RABGAP1L: variants seen among roughly 807,000 people sequenced by gnomAD.
RABGAP1L encodes rab GTPase-activating protein 1-like.
A neutral mutation model predicts 137.7 loss-of-function variants in RABGAP1L; 63 were observed. The observed-to-expected ratio is 0.46, with a 90% CI of 0.37 to 0.56. The LOEUF (loss-of-function observed/expected upper bound fraction) is 0.56. Ranked by LOEUF, RABGAP1L falls within the 20% of genes least tolerant of loss-of-function variation. The pLI, the probability that RABGAP1L is intolerant of heterozygous loss-of-function variation, is 0.00. For synonymous variants in RABGAP1L, 431 were observed against 433.7 expected (o/e 0.99, Z 0.08); for missense variants, 1,095 against 1,244.0 (o/e 0.88, Z 1.80).
chr1:174,779,981 G>A (rs1461083402), intron 18 of RABGAP1L, among the ~76,000 whole-genome samples: 2 of 151,820 alleles, frequency 1.3e-5, no homozygotes, highest in African/African-American at 4.8e-5. Flanking sequence ...CAGGAGAATT[G>A]CTTGAGCCCA....
intron 19 of RABGAP1L, among the ~76,000 whole-genome samples, chr1:174,890,689 G>C (rs1282516586): frequency 2.0e-5 from 3 of 151,744 alleles, no homozygotes; most frequent in African/African-American, 7.3e-5. Context: ...TTTTATACAT[G>C]CAAACAAATT....
At chr1:174,246,381 A>AATTTTCAC (rs1403890528) in intron 5 of RABGAP1L, 1 of 152,264 alleles carries the variant, frequency 6.6e-6, no homozygotes, top group African/African-American at 2.4e-5. Context: ...TATGTGTTTT[A>AATTTTCAC]ATAAGTGTGA....
At chr1:174,239,174 C>G (rs1671554722) in intron 4 of RABGAP1L, among the ~76,000 whole-genome samples, 1 of 152,190 alleles carries the variant, frequency 6.6e-6, no homozygotes, top group Non-Finnish European at 1.5e-5. Context: ...GTCTGGCACT[C>G]CCTAGTGAGA....
intron 13 of RABGAP1L, among the ~76,000 whole-genome samples, chr1:174,493,560 G>A (rs1055117376): frequency 2.6e-5 from 4 of 151,544 alleles, no homozygotes; most frequent in East Asian, 3.9e-4. Context: ...TGGTTCATGC[G>A]TGTAATCCTA....
intron 13 of RABGAP1L, among the ~76,000 whole-genome samples, chr1:174,511,027 A>C (rs527845085): frequency 1.3e-5 from 2 of 152,226 alleles, no homozygotes; most frequent in Non-Finnish European, 2.9e-5. Context: ...TTGAAGTTTT[A>C]ACTACTAGTT....
chr1:174,460,950 G>T (rs1424936902), intron 13 of RABGAP1L, among the ~76,000 whole-genome samples: 2 of 152,026 alleles, frequency 1.3e-5, no homozygotes, highest in Non-Finnish European at 2.9e-5. Context: ...CTTTATTTCA[G>T]AAGTCTTTAA....
chr1:174,956,974 A>G (rs1388779562), intron 19 of RABGAP1L, among the ~76,000 whole-genome samples: 1 of 152,088 alleles, frequency 6.6e-6, no homozygotes. Flanking sequence ...TTGTAGCTCA[A>G]TTTTTTACTT....
Position 174,437,500 on chromosome 1 carries a change from G to A in RABGAP1L, c.1710+43355G>A, listed in dbSNP as rs149628981. 9.3e-4 allele frequency among the ~76,000 whole-genome samples: 141 copies of A among 152,206 alleles called. 2 individuals are homozygous for A. In the East Asian group the frequency reaches 0.023, roughly 25 times the overall value. On this transcript the variant is annotated intron_variant, in intron 13 of 25. Transcript: ENST00000681986. Reference sequence around the variant, plus strand: ...GAAGACGAAATGAATAAAATGAAGCGTGAAGAGAAGTTTAGAGAAAAAAGA... The same window carrying A: ...GAAGACGAAATGAATAAAATGAAGCATGAAGAGAAGTTTAGAGAAAAAAGA...
chr1:174,828,972 A>C lies in RABGAP1L; in HGVS notation c.2340+17012A>C, dbSNP rs1257318358. 2.0e-5 allele frequency among the ~76,000 whole-genome samples: 3 copies of C among 148,226 alleles called. 1 individual carries two copies. Among genetic ancestry groups the C allele is most frequent in the Non-Finnish European group, 4.5e-5 (3 of 66,660 alleles). On this transcript the variant is annotated intron_variant, in intron 19 of 25. Transcript: ENST00000681986. ...AAAATGGAGATCCTATTTTCTATGA[A>C]ATAGGATTGCTATCAAGATTATAAA... is the stretch of plus-strand genomic sequence containing the variant.
chr1:174,281,028 C>T (rs1296770211), intron 10 of RABGAP1L, among the ~76,000 whole-genome samples: 1 of 152,040 alleles, frequency 6.6e-6, no homozygotes, highest in Non-Finnish European at 1.5e-5. Context: ...GTTGTTTGAT[C>T]CTCCCGGTGG....
chr1:174,282,850 G>T (rs1675698631), intron 10 of RABGAP1L, among the ~76,000 whole-genome samples: 1 of 152,082 alleles, frequency 6.6e-6, no homozygotes, highest in African/African-American at 2.4e-5. Context: ...AGCATCATTT[G>T]TTGAAAAGAC....
At position 174,763,329 on chromosome 1, in the gene RABGAP1L, A is replaced by C. The variant is rs1310068462; in HGVS notation, c.2211+10975A>C. The stretch of plus-strand genomic sequence containing the variant: ...TCAGGAGATCGAGACCATCCTGGCT[A>C]ACACGGTGAAACCCCGTCTCTACTA... On this transcript the variant is annotated intron_variant, in intron 18 of 25. Coordinates refer to ENST00000681986, the MANE Select transcript of RABGAP1L (RefSeq NM_001366446.1). 4.6e-5 allele frequency among the ~76,000 whole-genome samples: 7 copies of C among 150,940 alleles called. No homozygotes were observed. In the East Asian group the frequency reaches 1.4e-3, roughly 30 times the overall value.
chr1:174,360,224 A>G (rs533280696), intron 11 of RABGAP1L, among the ~76,000 whole-genome samples: 3 of 138,286 alleles, frequency 2.2e-5, no homozygotes, highest in South Asian at 4.7e-4. Flanking sequence ...TCATATAGCA[A>G]TAGGGATTGT....
intron 10 of RABGAP1L, among the ~76,000 whole-genome samples, chr1:174,290,591 C>CTGA (rs2148715676): frequency 6.6e-6 from 1 of 152,206 alleles, no homozygotes; most frequent in South Asian, 2.1e-4. Flanking sequence ...TCCTATTCTG[C>CTGA]CATCTTGCTG....
intron 3 of RABGAP1L, among the ~76,000 whole-genome samples, chr1:174,224,840 T>C (rs1026954802): frequency 2.0e-5 from 3 of 152,220 alleles, no homozygotes; most frequent in African/African-American, 7.2e-5. Flanking sequence ...ATCATTGTTC[T>C]CCTATTTGTA....
At chr1:174,279,033 A>G (rs1675259337) in intron 10 of RABGAP1L, among the ~76,000 whole-genome samples, 3 of 152,208 alleles carry the variant, frequency 2.0e-5, no homozygotes, top group South Asian at 2.1e-4. Context: ...CTTAACAGAA[A>G]TATTGACTGC....
chr1:174,923,835 T>C (rs67133776), intron 19 of RABGAP1L, among the ~76,000 whole-genome samples: 55,480 of 148,934 alleles, frequency 0.37, 13,580 homozygotes, highest in African/African-American at 0.7. Flanking sequence ...GAGCTGAGAT[T>C]GTGCCACTGC....
chr1:174,463,355 C>CTAA (rs1342836091), intron 13 of RABGAP1L, among the ~76,000 whole-genome samples: 1 of 152,036 alleles, frequency 6.6e-6, no homozygotes, highest in African/African-American at 2.4e-5. Context: ...AGTTCATGTC[C>CTAA]TTTATAGGGA....
rs764546264 is a variant in RABGAP1L, at chr1:174,252,447, A to G, written c.876-33A>G. The G allele has an allele frequency of 1.9e-6, 3 of 1,589,450 alleles. No homozygotes were observed. In the South Asian group the frequency reaches 3.5e-5, roughly 18 times the overall value. ...GGTTATTTTATCATTTTATTAGATT[A>G]TTGGTAATTCCTATTCCTTTTGAAT... On this transcript the variant is annotated intron_variant, in intron 6 of 25. Transcript: ENST00000681986.
Sources: gnomAD v4.1 joint callset for allele counts (sites outside exome capture counted in the v4.1 genomes callset) on GRCh38, gnomAD v4.1.1 for gene constraint, MANE v1.5 for transcripts, NCBI Gene and HGNC (gene_info 2026-07-23, HGNC 2026-07-21) for gene names.